Variants in PTPRT observed in about 807,000 individuals in gnomAD.
PTPRT encodes the protein receptor-type tyrosine-protein phosphatase T.
PTPRT carries 56 observed loss-of-function variants against 176.8 expected under a neutral mutation model. The ratio of observed to expected loss-of-function variants is 0.32; its 90% CI spans 0.26 to 0.40. The LOEUF (loss-of-function observed/expected upper bound fraction) is 0.40, where lower values mean the gene tolerates loss of function less well. PTPRT is among the 10% of genes least tolerant of loss of function. PTPRT has a pLI of 1.00. For synonymous variants in PTPRT, 783 were observed against 739.0 expected (o/e 1.06, Z -0.96); for missense variants, 1,540 against 1,908.2 (o/e 0.81, Z 3.60).
chr20:42,109,404 G>T (rs1316172076), intron 23 of PTPRT, among the ~76,000 whole-genome samples: 1 of 152,144 alleles, frequency 6.6e-6, no homozygotes, highest in East Asian at 1.9e-4. Flanking sequence ...CCCTTGACAG[G>T]ATACTTCATC....
intron 7 of PTPRT, among the ~76,000 whole-genome samples, chr20:42,494,822 T>G (rs568264783): frequency 1.3e-5 from 2 of 152,312 alleles, no homozygotes; most frequent in South Asian, 4.1e-4. Flanking sequence ...GATAGATACG[T>G]GAAATAAATG....
At chr20:43,073,503 T>C (rs1300055693) in intron 1 of PTPRT, among the ~76,000 whole-genome samples, 1 of 149,594 alleles carries the variant, frequency 6.7e-6, no homozygotes, top group Non-Finnish European at 1.5e-5. Context: ...ACGTGTGCTA[T>C]ACACACGTGT....
chr20:43,041,109 A>G (rs928629075), intron 1 of PTPRT, among the ~76,000 whole-genome samples: 11 of 152,192 alleles, frequency 7.2e-5, no homozygotes, highest in African/African-American at 2.7e-4. Flanking sequence ...TAATATAGCT[A>G]AAGTTTGAGA....
At chr20:42,113,059 A>G (rs984312171) in intron 22 of PTPRT, among the ~76,000 whole-genome samples, 3 of 152,108 alleles carry the variant, frequency 2.0e-5, no homozygotes, top group Admixed American at 6.5e-5. Flanking sequence ...TATTATTTCC[A>G]GGTTCCCAGC....
intron 7 of PTPRT, among the ~76,000 whole-genome samples, chr20:42,533,462 A>G (rs530354233): frequency 6.6e-6 from 1 of 152,076 alleles, no homozygotes; most frequent in South Asian, 2.1e-4. Context: ...TTACCTGGAA[A>G]CCAGGAGTAG....
intron 17 of PTPRT, among the ~76,000 whole-genome samples, chr20:42,158,134 T>C (rs1488202814): frequency 6.6e-6 from 1 of 152,258 alleles, no homozygotes; most frequent in Non-Finnish European, 1.5e-5. Context: ...GGTTGTTTCA[T>C]GTTGTTAAAA....
intron 6 of PTPRT, among the ~76,000 whole-genome samples, chr20:42,690,254 C>A (rs893434360): frequency 2.0e-5 from 3 of 152,074 alleles, no homozygotes; most frequent in Non-Finnish European, 4.4e-5. Flanking sequence ...GCTGTGTAAG[C>A]AGTGGTGTCA....
intron 1 of PTPRT, among the ~76,000 whole-genome samples, chr20:43,100,294 T>C (rs969307866): frequency 6.6e-6 from 1 of 152,130 alleles, no homozygotes; most frequent in African/African-American, 2.4e-5. Context: ...GGAGAATTAC[T>C]TGAACCCAAG....
intron 2 of PTPRT, among the ~76,000 whole-genome samples, chr20:42,852,184 AT>A (rs1032632523): frequency 3.3e-5 from 5 of 152,120 alleles, no homozygotes; most frequent in African/African-American, 1.2e-4. Flanking sequence ...CTTTACAATC[AT>A]TTTTGTCAAG....
chr20:42,888,008 C>T (rs1247959173), intron 1 of PTPRT, among the ~76,000 whole-genome samples: 2 of 152,142 alleles, frequency 1.3e-5, no homozygotes, highest in Non-Finnish European at 2.9e-5. Flanking sequence ...AGGAAGGGAC[C>T]TTTACCAAGT....
rs558129996 is a variant in PTPRT at position 42,377,359 on chromosome 20, C to T, written c.1561-25074G>A. ...TCCTAGAAGGTAAAGATGCCCAAAA[C>T]GTGGTGGTCCCTCTGGGCAAACACC... On this transcript the variant is annotated intron_variant, in intron 9 of 30. Coordinates refer to ENST00000373187, the MANE Select transcript of PTPRT (RefSeq NM_007050.6). 7.9e-4 allele frequency among the ~76,000 whole-genome samples: 120 copies of T among 152,288 alleles called. 1 individual carries two copies. The South Asian group carries it at 0.01, about 13-fold the overall frequency.
At chr20:42,918,627 T>C (rs1978941889) in intron 1 of PTPRT, among the ~76,000 whole-genome samples, 4 of 152,184 alleles carry the variant, frequency 2.6e-5, no homozygotes, top group Admixed American at 2.0e-4. Context: ...ATCATTCCCG[T>C]TGATAAAATC....
At position 42,954,590 on chromosome 20, in the gene PTPRT, C is replaced by A. The variant is rs1271086713; in HGVS notation, c.89-68658G>T. Among the ~76,000 whole-genome samples the A allele has an allele frequency of 4.0e-5, 6 of 151,744 alleles. No individual in the cohort carries two copies. In the East Asian group the frequency reaches 9.7e-4, roughly 24 times the overall value. ...CAGTAAGTGCTACATAGAAGATGCT[C>A]AGTCAACGTGCGTGTTTGCTTTTTT... On this transcript the variant is annotated intron_variant, in intron 1 of 30. Transcript: ENST00000373187.
intron 6 of PTPRT, among the ~76,000 whole-genome samples, chr20:42,753,102 G>A (rs1284746967): frequency 6.6e-6 from 1 of 152,092 alleles, no homozygotes; most frequent in Non-Finnish European, 1.5e-5. Context: ...AGGGAATCCT[G>A]CTTGCCTGGT....
intron 17 of PTPRT, among the ~76,000 whole-genome samples, chr20:42,149,228 G>A (rs1196148887): frequency 6.6e-6 from 1 of 152,150 alleles, no homozygotes; most frequent in Non-Finnish European, 1.5e-5. Context: ...AGCAAGTGCG[G>A]AGGCCCTGGG....
intron 1 of PTPRT, among the ~76,000 whole-genome samples, chr20:43,142,536 A>AG (rs1446633562): frequency 6.6e-6 from 1 of 152,224 alleles, no homozygotes; most frequent in Non-Finnish European, 1.5e-5. Context: ...GGCCCTATTA[A>AG]GGGCCTGAAG....
intron 7 of PTPRT, among the ~76,000 whole-genome samples, chr20:42,507,467 G>T (rs1189809848): frequency 1.3e-5 from 2 of 151,940 alleles, no homozygotes; most frequent in African/African-American, 4.8e-5. Context: ...CTCAGGAGGA[G>T]AACCAAAAAC....
intron 1 of PTPRT, among the ~76,000 whole-genome samples, chr20:43,165,670 A>G (rs553906959): frequency 6.6e-6 from 1 of 152,370 alleles, no homozygotes; most frequent in Non-Finnish European, 1.5e-5. Context: ...AAAAGACAGT[A>G]TCAGGAGCTA....
intron 9 of PTPRT, among the ~76,000 whole-genome samples, chr20:42,386,341 G>A (rs2058743949): frequency 6.6e-6 from 1 of 151,234 alleles, no homozygotes; most frequent in African/African-American, 2.5e-5. Context: ...AACTGTCCCA[G>A]GAGTTTAAAA....
Sources: allele counts gnomAD v4.1 joint callset (sites outside exome capture counted in the v4.1 genomes callset), GRCh38; gene constraint gnomAD v4.1.1; transcripts MANE v1.5; gene names NCBI Gene and HGNC (gene_info 2026-07-23, HGNC 2026-07-21).